KCTD16: variants seen among roughly 807,000 people sequenced by gnomAD.
KCTD16 encodes potassium channel tetramerization domain containing 16.
Under a neutral mutation model 33.2 loss-of-function variants are expected in KCTD16, and 13 were observed. That is an observed-to-expected ratio of 0.39 (90% CI 0.25 to 0.62). The LOEUF (loss-of-function observed/expected upper bound fraction) is 0.62. Among genes scored for constraint, KCTD16 ranks in the 20% least tolerant of loss-of-function variants. The pLI is 0.50. For synonymous variants in KCTD16, 197 were observed against 195.3 expected (o/e 1.01, Z -0.07); for missense variants, 441 against 525.1 (o/e 0.84, Z 1.57).
intron 3 of KCTD16, among the ~76,000 whole-genome samples, chr5:144,419,858 A>G (rs901965789): frequency 3.3e-5 from 5 of 152,108 alleles, no homozygotes; most frequent in Admixed American, 6.6e-5. Flanking sequence ...AGGAGAGCTT[A>G]TAGCTTTTTG....
intron 3 of KCTD16, among the ~76,000 whole-genome samples, chr5:144,316,757 T>G (rs886629200): frequency 6.6e-6 from 1 of 151,360 alleles, no homozygotes; most frequent in Non-Finnish European, 1.5e-5. Flanking sequence ...AGGTGATCTG[T>G]CCATCTAGGC....
intron 3 of KCTD16, among the ~76,000 whole-genome samples, chr5:144,412,111 A>G (rs888958760): frequency 1.3e-5 from 2 of 152,202 alleles, no homozygotes; most frequent in African/African-American, 2.4e-5. Flanking sequence ...GGAAAACTAT[A>G]ACATTTCCTC....
chr5:144,191,571 TTTCCTCTCA>T (rs1381334118), intron 2 of KCTD16, among the ~76,000 whole-genome samples: 9 of 152,190 alleles, frequency 5.9e-5, no homozygotes, highest in Non-Finnish European at 1.0e-4. Flanking sequence ...AGTCATGATA[TTTCCTCTCA>T]TTCCTCTCAT....
chr5:144,257,720 C>A (rs911754383), intron 3 of KCTD16, among the ~76,000 whole-genome samples: 2 of 152,120 alleles, frequency 1.3e-5, no homozygotes, highest in African/African-American at 4.8e-5. Flanking sequence ...ATCTCCTGAC[C>A]TCGTGATCCG....
chr5:144,260,832 C>A (rs1003615518), intron 3 of KCTD16, among the ~76,000 whole-genome samples: 4 of 151,930 alleles, frequency 2.6e-5, no homozygotes, highest in African/African-American at 4.8e-5. Context: ...CTCTATTTAT[C>A]TTGCCGAAAG....
In KCTD16 at chr5:144,478,792, T is replaced by G. The variant is rs1294783486; in HGVS notation, c.*4678T>G. 6.6e-6 allele frequency: 1 copy of G among 152,054 alleles called. No individual in the cohort carries two copies. The highest frequency in any genetic ancestry group is 2.4e-5 in the African/African-American group (1 of 41,438). The allele number at this position is 152,054 out of a possible 1,614,324, so 9.4% of individuals were successfully genotyped here. ...ATAAGTCAAAGCATGCATTATTCAT[T>G]ATCTTAAGAGAAAACACCCAAAGAA... On this transcript the variant is annotated 3_prime_UTR_variant, in exon 4 of 4. Coordinates refer to ENST00000512467, the MANE Select transcript of KCTD16 (RefSeq NM_020768.4).
rs976917178 is a variant in KCTD16, at chr5:144,475,941, G to A, written c.*1827G>A. ...GAATGGAGTTGAAAGTTTTACATAA[G>A]TGAAAAAGAAAGTTTATCTTGGGAG... On this transcript the variant is annotated 3_prime_UTR_variant, in exon 4 of 4. Coordinates refer to ENST00000512467, the MANE Select transcript of KCTD16 (RefSeq NM_020768.4). 2 of 152,166 alleles carry A rather than the reference G, an allele frequency of 1.3e-5. No individual in the cohort carries two copies. Among genetic ancestry groups the A allele is most frequent in the Non-Finnish European group, 2.9e-5 (2 of 68,022 alleles). 9.4% of individuals were successfully genotyped at this position (152,166 alleles called of 1,614,324 possible). A position where few individuals can be genotyped will look rare whatever the true frequency, so the allele number is the denominator to read the frequency against.
chr5:144,334,943 ATT>A (rs904365945), intron 3 of KCTD16, among the ~76,000 whole-genome samples: 1 of 149,742 alleles, frequency 6.7e-6, no homozygotes, highest in African/African-American at 2.5e-5. Flanking sequence ...CACCTGGCTA[ATT>A]TTTTTTTTAT....
intron 3 of KCTD16, among the ~76,000 whole-genome samples, chr5:144,238,874 G>A (rs527643308): frequency 6.6e-6 from 1 of 152,214 alleles, no homozygotes; most frequent in African/African-American, 2.4e-5. Flanking sequence ...GATACAACTA[G>A]GAAAAGACAG....
At chr5:144,439,487 A>C in intron 3 of KCTD16, 1 of 251,846 alleles carries the variant, frequency 4.0e-6, no homozygotes, top group East Asian at 1.2e-4. Context: ...GAAGTTGGCA[A>C]GTCACCTTCC....
chr5:144,450,945 G>A (rs1031265691), intron 3 of KCTD16, among the ~76,000 whole-genome samples: 6 of 150,956 alleles, frequency 4.0e-5, no homozygotes, highest in Non-Finnish European at 8.9e-5. Flanking sequence ...TAGATCTCAT[G>A]TTAAGTATTT....
At chr5:144,297,087 T>A (rs561132792) in intron 3 of KCTD16, among the ~76,000 whole-genome samples, 2 of 152,232 alleles carry the variant, frequency 1.3e-5, no homozygotes, top group Non-Finnish European at 2.9e-5. Flanking sequence ...GAAATGAGAT[T>A]ATAAGAGCCA....
At chr5:144,411,737 G>A (rs1752937021) in intron 3 of KCTD16, among the ~76,000 whole-genome samples, 2 of 152,116 alleles carry the variant, frequency 1.3e-5, no homozygotes, top group African/African-American at 4.8e-5. Context: ...AATCAAAAAA[G>A]TGGAGAGACA....
chr5:144,171,574 A>G (rs191092048), intron 1 of KCTD16, among the ~76,000 whole-genome samples: 2 of 152,100 alleles, frequency 1.3e-5, no homozygotes, highest in East Asian at 1.9e-4. Flanking sequence ...CCCCCAACCA[A>G]CCACCACCAC....
intron 3 of KCTD16, among the ~76,000 whole-genome samples, chr5:144,417,362 A>C (rs1021158213): frequency 2.6e-5 from 4 of 152,094 alleles, no homozygotes; most frequent in Admixed American, 1.3e-4. Context: ...GCATTTCCCT[A>C]ATGACTAATG....
chr5:144,465,789 T>G (rs1425819505), intron 3 of KCTD16, among the ~76,000 whole-genome samples: 1 of 150,236 alleles, frequency 6.7e-6, no homozygotes, highest in African/African-American at 2.4e-5. Context: ...CTTTTTTGTT[T>G]TTTTTTTTTT....
chr5:144,243,892 C>T (rs376809603), intron 3 of KCTD16, among the ~76,000 whole-genome samples: 4 of 152,058 alleles, frequency 2.6e-5, no homozygotes, highest in Non-Finnish European at 4.4e-5. Context: ...TACAGGTGCA[C>T]GCCATCACGC....
Position 144,186,361 on chromosome 5 carries a change from A to AG in KCTD16, c.-327+11889_-327+11890insG, listed in dbSNP as rs767333977. On this transcript the variant is annotated intron_variant, in intron 2 of 3. Coordinates refer to ENST00000512467, the MANE Select transcript of KCTD16 (RefSeq NM_020768.4). The stretch of plus-strand genomic sequence containing the variant: ...TAGATCTCATTTTTTTTAAAAAAAA[A>AG]AAGAAAAAAAAAAAAACTAATGGCT... Among the ~76,000 whole-genome samples, 41 of 46,662 alleles carry AG rather than the reference A, an allele frequency of 8.8e-4. 3 individuals are homozygous for AG. Among genetic ancestry groups the AG allele is most frequent in the African/African-American group, 3.4e-3 (34 of 9,912 alleles). The allele number at this position is 46,662 out of a possible 152,430, so 30.6% of individuals were successfully genotyped here.
At chr5:144,464,188 C>T (rs1754265406) in intron 3 of KCTD16, among the ~76,000 whole-genome samples, 1 of 152,128 alleles carries the variant, frequency 6.6e-6, no homozygotes, top group Non-Finnish European at 1.5e-5. Context: ...GTCAGAAAGG[C>T]ACCATTTTTC....
Sources: gnomAD v4.1 joint callset for allele counts (sites outside exome capture counted in the v4.1 genomes callset) on GRCh38, gnomAD v4.1.1 for gene constraint, MANE v1.5 for transcripts, NCBI Gene and HGNC (gene_info 2026-07-23, HGNC 2026-07-21) for gene names.